PALMD: variants seen among roughly 807,000 people sequenced by gnomAD.
PALMD encodes paralemmin-like protein.
PALMD carries 42 observed loss-of-function variants against 56.2 expected under a neutral mutation model. The observed-to-expected ratio is 0.75, with a 90% CI of 0.58 to 0.97. PALMD has a LOEUF of 0.97. Ranked by LOEUF, PALMD falls within the 50% of genes least tolerant of loss-of-function variation. PALMD has a pLI of 0.00. For synonymous variants in PALMD, 242 were observed against 222.9 expected (o/e 1.09, Z -0.76); for missense variants, 660 against 643.8 (o/e 1.03, Z -0.27).
chr1:99,667,882 C>G, intron 3 of PALMD, 116 bp downstream of exon 3: 1 of 759,526 alleles, frequency 1.3e-6, no homozygotes. Flanking sequence ...ATTTGAATTT[C>G]TTTTTTTTTT....
rs766992384 is a variant in PALMD at position 99,694,086 on chromosome 1, TC to T, written c.*26del. Reference sequence around the variant, plus strand: ...AAGAGTTGTACCACCTATATAAACATCCTTTGAAGAAGAAACTAAGAAGCAT... The same window carrying T: ...AAGAGTTGTACCACCTATATAAACATCTTTGAAGAAGAAACTAAGAAGCAT... On this transcript the variant is annotated 3_prime_UTR_variant, in exon 8 of 8. Coordinates refer to ENST00000263174, the MANE Select transcript of PALMD (RefSeq NM_017734.5). 1 of 1,508,172 alleles carries T rather than the reference TC, an allele frequency of 6.6e-7. No individual in the cohort carries two copies. Among genetic ancestry groups the T allele is most frequent in the Non-Finnish European group, 9.1e-7 (1 of 1,097,290 alleles). 93.4% of individuals were successfully genotyped at this position (1,508,172 alleles called of 1,614,324 possible).
intron 3 of PALMD, among the ~76,000 whole-genome samples, chr1:99,673,137 A>G (rs539555937): frequency 3.0e-4 from 46 of 152,360 alleles, no homozygotes; most frequent in African/African-American, 9.9e-4. Context: ...ATGTAAAGCA[A>G]TAATTTACTC....
At chr1:99,659,806 T>C (rs1345282655) in intron 1 of PALMD, among the ~76,000 whole-genome samples, 1 of 152,218 alleles carries the variant, frequency 6.6e-6, no homozygotes, top group Non-Finnish European at 1.5e-5. Flanking sequence ...ATAAACATTA[T>C]GAAATTTCCT....
chr1:99,676,208 G>T (rs1000468375), intron 3 of PALMD, among the ~76,000 whole-genome samples: 3 of 152,106 alleles, frequency 2.0e-5, no homozygotes, highest in African/African-American at 7.2e-5. Context: ...CTTACCACTA[G>T]CATGTGACAG....
intron 6 of PALMD, 40 bp downstream of exon 6, chr1:99,687,229 T>C (rs1653523295): frequency 1.2e-5 from 19 of 1,560,198 alleles, no homozygotes; most frequent in Admixed American, 2.0e-5. Flanking sequence ...GTTCTTAATT[T>C]CAGATTTTAC....
intron 3 of PALMD, chr1:99,667,981 C>T: frequency 4.4e-6 from 2 of 456,496 alleles, no homozygotes; most frequent in East Asian, 3.7e-5. Flanking sequence ...AGGGCTCAAG[C>T]AATTCTCCAG....
intron 1 of PALMD, among the ~76,000 whole-genome samples, chr1:99,651,181 T>C (rs1652575656): frequency 6.6e-6 from 1 of 152,206 alleles, no homozygotes; most frequent in Non-Finnish European, 1.5e-5. Flanking sequence ...GTACCAAGAT[T>C]ACATGTTTCT....
Position 99,689,639 on chromosome 1 carries a change from A to C in PALMD, c.1379A>C (p.Lys460Thr), listed in dbSNP as rs774875313. 6.2e-7 allele frequency: 1 copy of C among 1,613,700 alleles called. No individual in the cohort carries two copies. The highest frequency in any genetic ancestry group is 2.2e-5 in the East Asian group (1 of 44,858). The change falls in exon 7 of 8, where the codon AAA becomes ACA. Residue 460 changes from lysine to threonine, a missense_variant. Transcript: ENST00000263174. ...EEEEDEGEAE[K>T]PSYHPIAPHS... ...GAGGAGGATGAAGGAGAAGCAGAGA[A>C]ACCGTCCTACCACCCCATAGCTCCC... is the stretch of plus-strand genomic sequence containing the variant.
In PALMD at chr1:99,646,285, T is replaced by C. The variant is rs1276945382; in HGVS notation, c.-33T>C. On this transcript the variant is annotated 5_prime_UTR_variant, in exon 1 of 8. Transcript: ENST00000263174. ...CCTTGATTTATGGTAGCTTTGGACT[T>C]GCTTCCCCGTCTGACTGTCCTTGAC... is the stretch of plus-strand genomic sequence containing the variant. 1 of 1,600,950 alleles carries C rather than the reference T, an allele frequency of 6.2e-7. No individual in the cohort carries two copies. Among genetic ancestry groups the C allele is most frequent in the Non-Finnish European group, 8.6e-7 (1 of 1,168,186 alleles).
At chr1:99,683,140 AAGAAAGAAAGAAAGAAAGAAAG>A (rs1461301983) in intron 3 of PALMD, 2 of 123,482 alleles carry the variant, frequency 1.6e-5, no homozygotes, top group East Asian at 4.1e-4. Context: ...GAAAGAAAGA[AAGAAAGAAAGAAAGAAAGAAAG>A]AAAGAAACGA....
rs192333194 is a variant in PALMD, at chr1:99,689,454, T to C, written c.1194T>C (p.Asn398=). 1.3e-5 allele frequency: 21 copies of C among 1,613,680 alleles called. No homozygotes were observed. The Admixed American group carries it at 2.7e-4, about 21-fold the overall frequency. Residue 398 remains asparagine, a synonymous_variant, in exon 7 of 8, where the codon AAT becomes AAC. Transcript: ENST00000263174. Reference sequence around the variant, plus strand: ...AGGACGAGGAAGATGTCAGATATAATATCGTTCATTCCCTGCCTCCAGACA... The same window carrying C: ...AGGACGAGGAAGATGTCAGATATAACATCGTTCATTCCCTGCCTCCAGACA... ...CQEDEEDVRY[N]IVHSLPPDIN...
chr1:99,679,592 C>G (rs541888231), intron 3 of PALMD, among the ~76,000 whole-genome samples: 21 of 152,182 alleles, frequency 1.4e-4, no homozygotes, highest in Non-Finnish European at 2.5e-4. Context: ...TGGGTCAACA[C>G]GTTTACACAC....
At chr1:99,653,161 AAACAAAAC>A (rs199998138) in intron 1 of PALMD, among the ~76,000 whole-genome samples, 1,581 of 152,248 alleles carry the variant, frequency 0.01, 28 homozygotes, top group African/African-American at 0.036. Flanking sequence ...CACCAAAACA[AAACAAAAC>A]AACAAAACAA....
chr1:99,647,572 G>A (rs1031569406), intron 1 of PALMD, among the ~76,000 whole-genome samples: 11 of 152,164 alleles, frequency 7.2e-5, no homozygotes, highest in East Asian at 1.9e-4. Context: ...AACCTTGGTC[G>A]GGATTATTGT....
chr1:99,683,117 A>G (rs957524849), intron 3 of PALMD: 1 of 121,260 alleles, frequency 8.2e-6, no homozygotes, highest in Admixed American at 7.7e-5. Context: ...AAAGAAAGAA[A>G]GAAAGAAAGA....
At chr1:99,649,498 T>G (rs1011379746) in intron 1 of PALMD, among the ~76,000 whole-genome samples, 2 of 152,120 alleles carry the variant, frequency 1.3e-5, no homozygotes, top group African/African-American at 4.8e-5. Flanking sequence ...AAGCGTGAGA[T>G]GAAGGACTGA....
At chr1:99,683,052 GAA>G (rs1491170645) in intron 3 of PALMD, among the ~76,000 whole-genome samples, 1,102 of 12,942 alleles carry the variant, frequency 0.085, 39 homozygotes, top group Middle Eastern at 0.15. Context: ...AAGAAAGAAA[GAA>G]AGAGAGAGAG....
intron 2 of PALMD, among the ~76,000 whole-genome samples, chr1:99,664,285 C>A (rs1433402972): frequency 1.3e-5 from 2 of 152,084 alleles, no homozygotes; most frequent in Non-Finnish European, 1.5e-5. Flanking sequence ...TATAATTATT[C>A]TTTAATCTGG....
chr1:99,684,531 G>C (rs1653443935), intron 3 of PALMD: 1 of 149,744 alleles, frequency 6.7e-6, no homozygotes, highest in South Asian at 2.1e-4. Flanking sequence ...TTGTTTGTTT[G>C]TTTGTTTGTT....
Sources: gnomAD v4.1 joint callset for allele counts (sites outside exome capture counted in the v4.1 genomes callset) on GRCh38, gnomAD v4.1.1 for gene constraint, MANE v1.5 for transcripts, NCBI Gene and HGNC (gene_info 2026-07-23, HGNC 2026-07-21) for gene names.